The following ARHGAP26 variants were observed in gnomAD, a reference collection of about 807,000 sequenced individuals.
ARHGAP26 encodes the protein Rho GTPase activating protein 26.
In ARHGAP26, 38 loss-of-function variants were observed where a neutral mutation model predicts 104.8. The ratio of observed to expected loss-of-function variants is 0.36; its 90% CI spans 0.28 to 0.48. The LOEUF (loss-of-function observed/expected upper bound fraction) is 0.48, where lower values mean the gene tolerates loss of function less well. Among genes scored for constraint, ARHGAP26 ranks in the 20% least tolerant of loss-of-function variants. ARHGAP26 has a pLI of 0.99. For synonymous variants in ARHGAP26, 341 were observed against 340.0 expected (o/e 1.00, Z -0.03); for missense variants, 704 against 947.9 (o/e 0.74, Z 3.38).
chr5:142,951,950 C>T (rs1768452191), intron 11 of ARHGAP26, among the ~76,000 whole-genome samples: 1 of 152,178 alleles, frequency 6.6e-6, no homozygotes, highest in African/African-American at 2.4e-5. Flanking sequence ...GGGCCATGTT[C>T]CCTCCAGGGA....
At chr5:142,884,548 C>T (rs1172837117) in intron 4 of ARHGAP26, among the ~76,000 whole-genome samples, 1 of 152,212 alleles carries the variant, frequency 6.6e-6, no homozygotes, top group African/African-American at 2.4e-5. Flanking sequence ...GGTAGACACA[C>T]TCTATGTAGG....
At chr5:142,964,969 C>T (rs1486140896) in intron 11 of ARHGAP26, among the ~76,000 whole-genome samples, 4 of 152,096 alleles carry the variant, frequency 2.6e-5, no homozygotes, top group Non-Finnish European at 5.9e-5. Context: ...GCAAAAGGGG[C>T]AGGGTAAAGA....
intron 10 of ARHGAP26, among the ~76,000 whole-genome samples, chr5:142,917,707 T>C (rs564235442): frequency 1.3e-5 from 2 of 152,276 alleles, no homozygotes; most frequent in African/African-American, 4.8e-5. Context: ...TTTATTTATT[T>C]GTTTAGAGGT....
At chr5:142,978,962 G>A (rs1176426118) in intron 11 of ARHGAP26, among the ~76,000 whole-genome samples, 3 of 152,120 alleles carry the variant, frequency 2.0e-5, no homozygotes, top group Non-Finnish European at 2.9e-5. Context: ...AAAGGAAAAA[G>A]GAGGCGAAAC....
intron 5 of ARHGAP26, among the ~76,000 whole-genome samples, chr5:142,890,944 G>GTATCAGTCACCTCGAACATTT (rs1562025865): frequency 8.6e-5 from 13 of 151,828 alleles, no homozygotes; most frequent in African/African-American, 3.2e-4. Flanking sequence ...TCCTTATAGG[G>GTATCAGTCACCTCGAACATTT]ATTTCCTTCT....
At chr5:143,125,570 A>G (rs1796633887) in intron 18 of ARHGAP26, among the ~76,000 whole-genome samples, 1 of 152,216 alleles carries the variant, frequency 6.6e-6, no homozygotes, top group African/African-American at 2.4e-5. Context: ...GGAAATAAAT[A>G]TCCTAGATTA....
intron 11 of ARHGAP26, among the ~76,000 whole-genome samples, chr5:142,936,108 AAC>A (rs149919795): frequency 0.047 from 6,574 of 139,164 alleles, 143 homozygotes; most frequent in South Asian, 0.075. Flanking sequence ...AATCCCAAGG[AAC>A]ACACACACAC....
chr5:143,138,439 C>T (rs1197673450), intron 19 of ARHGAP26, among the ~76,000 whole-genome samples: 1 of 152,204 alleles, frequency 6.6e-6, no homozygotes, highest in African/African-American at 2.4e-5. Flanking sequence ...CAGGAAACCA[C>T]TGAATATTTT....
At chr5:143,012,178 T>G (rs1189082120) in intron 11 of ARHGAP26, among the ~76,000 whole-genome samples, 1 of 152,168 alleles carries the variant, frequency 6.6e-6, no homozygotes, top group Non-Finnish European at 1.5e-5. Flanking sequence ...CTCTTTATAC[T>G]CATCTTTCTG....
intron 20 of ARHGAP26, among the ~76,000 whole-genome samples, chr5:143,189,108 A>G (rs910959909): frequency 6.6e-6 from 1 of 152,230 alleles, no homozygotes; most frequent in African/African-American, 2.4e-5. Flanking sequence ...TGCTGTTATC[A>G]GCTACTACTG....
chr5:143,194,742 C>T (rs73796986), intron 20 of ARHGAP26, among the ~76,000 whole-genome samples: 10 of 152,206 alleles, frequency 6.6e-5, no homozygotes, highest in East Asian at 1.9e-4. Context: ...TTTTCTCCAG[C>T]GGAAAGGGTG....
rs376146248 is a variant in ARHGAP26 at position 142,856,225 on chromosome 5, G to T, written c.155-17175G>T. On this transcript the variant is annotated intron_variant, in intron 1 of 22. Coordinates refer to ENST00000645722, the MANE Select transcript of ARHGAP26 (RefSeq NM_001135608.3). ...CAGGAGCTGTGGGCACACAGTGGGG[G>T]CCAGCCTGGGCCATGTGCGTGAAGC... is the stretch of plus-strand genomic sequence containing the variant. Among the ~76,000 whole-genome samples, 90 of 152,360 alleles carry T rather than the reference G, an allele frequency of 5.9e-4. 1 individual carries two copies. The highest frequency in any genetic ancestry group is 2.1e-3 in the African/African-American group (89 of 41,582).
At chr5:143,033,736 G>C (rs1262688290) in intron 12 of ARHGAP26, among the ~76,000 whole-genome samples, 1 of 152,194 alleles carries the variant, frequency 6.6e-6, no homozygotes, top group East Asian at 1.9e-4. Flanking sequence ...CAGAATCAAT[G>C]TCTGCAGCTC....
intron 6 of ARHGAP26, among the ~76,000 whole-genome samples, chr5:142,895,525 C>T (rs977343202): frequency 5.9e-5 from 9 of 152,146 alleles, no homozygotes; most frequent in Non-Finnish European, 7.3e-5. Flanking sequence ...CCAGCACGCC[C>T]GACCAAGAAA....
Position 142,797,496 on chromosome 5 carries a change from A to G in ARHGAP26, c.154+26581A>G, listed in dbSNP as rs534101877. On this transcript the variant is annotated intron_variant, in intron 1 of 22. Coordinates refer to ENST00000645722, the MANE Select transcript of ARHGAP26 (RefSeq NM_001135608.3). ...CAGAGACTTGGATTCTGCTTAGGAG[A>G]TAAGTGATGCTTTTGGGGGTGGTCA... Among the ~76,000 whole-genome samples the G allele has an allele frequency of 6.2e-4, 94 of 152,304 alleles. 2 individuals are homozygous for G. The South Asian group carries it at 0.018, about 29-fold the overall frequency.
At chr5:142,946,736 T>C (rs1767167038) in intron 11 of ARHGAP26, 1 of 152,186 alleles carries the variant, frequency 6.6e-6, no homozygotes, top group African/African-American at 2.4e-5. Flanking sequence ...TGAAAATGTA[T>C]CTTTGGATTT....
At chr5:143,030,399 G>A (rs552650761) in intron 12 of ARHGAP26, among the ~76,000 whole-genome samples, 1 of 152,320 alleles carries the variant, frequency 6.6e-6, no homozygotes, top group Admixed American at 6.5e-5. Flanking sequence ...ACAAAATGCA[G>A]GAGGTCTAAA....
Position 143,226,945 on chromosome 5 carries a change from A to T in ARHGAP26, c.*4499A>T, listed in dbSNP as rs1811725479. ...CAAAGGGAAGGCCTTCTATCCCCTGAGTTTCTATCAGCTGAAAATGGCAAC... is the reference window on the plus strand; with the variant it reads ...CAAAGGGAAGGCCTTCTATCCCCTGTGTTTCTATCAGCTGAAAATGGCAAC... On this transcript the variant is annotated 3_prime_UTR_variant, in exon 23 of 23. Transcript: ENST00000645722. The T allele has an allele frequency of 8.8e-6, 2 of 227,342 alleles. No homozygotes were observed. Among genetic ancestry groups the T allele is most frequent in the African/African-American group, 2.2e-5 (1 of 45,006 alleles). 14.1% of individuals were successfully genotyped at this position (227,342 alleles called of 1,614,324 possible). A position where few individuals can be genotyped will look rare whatever the true frequency, so the allele number is the denominator to read the frequency against.
chr5:142,794,325 C>T (rs770595712), intron 1 of ARHGAP26, among the ~76,000 whole-genome samples: 2 of 152,084 alleles, frequency 1.3e-5, no homozygotes, highest in Non-Finnish European at 2.9e-5. Context: ...TTCTGAAAGT[C>T]AGGGAGGGAT....
Sources: gnomAD v4.1 joint callset for allele counts (sites outside exome capture counted in the v4.1 genomes callset) on GRCh38, gnomAD v4.1.1 for gene constraint, MANE v1.5 for transcripts, NCBI Gene and HGNC (gene_info 2026-07-23, HGNC 2026-07-21) for gene names.